The following ABLIM3 variants were observed in gnomAD, a reference collection of about 807,000 sequenced individuals.
ABLIM3 encodes the protein actin-binding LIM protein 3.
In ABLIM3, 61 loss-of-function variants were observed where a neutral mutation model predicts 109.5. The observed-to-expected ratio is 0.56, with a 90% confidence interval of 0.45 to 0.69. The LOEUF (loss-of-function observed/expected upper bound fraction) is 0.69, where lower values mean the gene tolerates loss of function less well. Among genes scored for constraint, ABLIM3 ranks in the 30% least tolerant of loss-of-function variants. ABLIM3 has a pLI of 0.00. For missense variants in ABLIM3, 796 were observed against 889.5 expected (o/e 0.89, Z 1.34); for synonymous variants, 300 against 324.8 (o/e 0.92, Z 0.82).
chr5:149,221,498 G>A (rs975921424), intron 8 of ABLIM3, among the ~76,000 whole-genome samples: 10 of 152,150 alleles, frequency 6.6e-5, no homozygotes, highest in Non-Finnish European at 1.3e-4. Flanking sequence ...CTTTCTGATG[G>A]GCTCTAATTG....
Position 149,149,360 on chromosome 5 carries a change from C to A in ABLIM3, c.13+7252C>A, listed in dbSNP as rs144571085. Among the ~76,000 whole-genome samples, 552 of 152,304 alleles carry A rather than the reference C, an allele frequency of 3.6e-3. 3 individuals carry two copies. The highest frequency in any genetic ancestry group is 6.2e-3 in the Non-Finnish European group (425 of 68,024). ...TGGGTCTCAGTGAATGGAGTTGAGT[C>A]TGAAGTTGAGTTGACTGTTGAGTAA... On this transcript the variant is annotated intron_variant, in intron 2 of 23. Transcript: ENST00000309868.
At chr5:149,255,077 C>T (rs1754312736) in intron 23 of ABLIM3, among the ~76,000 whole-genome samples, 2 of 152,238 alleles carry the variant, frequency 1.3e-5, no homozygotes, top group East Asian at 1.9e-4. Flanking sequence ...TTTATTGAAT[C>T]ATCCTCACCT....
chr5:149,166,406 G>C (rs1754830772), intron 2 of ABLIM3, among the ~76,000 whole-genome samples: 1 of 152,182 alleles, frequency 6.6e-6, no homozygotes, highest in South Asian at 2.1e-4. Context: ...TCACTACCTA[G>C]AGAAGCAGTT....
At chr5:149,227,070 CAAA>C (rs70973514) in intron 8 of ABLIM3, among the ~76,000 whole-genome samples, 6 of 96,326 alleles carry the variant, frequency 6.2e-5, no homozygotes, top group African/African-American at 1.7e-4. Flanking sequence ...AACTCCATCT[CAAA>C]AAAAAAAAAA....
intron 17 of ABLIM3, 111 bp downstream of exon 17, chr5:149,246,657 G>A: frequency 8.4e-7 from 1 of 1,185,414 alleles, no homozygotes; most frequent in Non-Finnish European, 1.2e-6. Context: ...ATAGAAAAAA[G>A]AAAAGCATAG....
intron 17 of ABLIM3, chr5:149,247,567 A>G (rs1031909313): frequency 3.9e-5 from 28 of 723,208 alleles, no homozygotes; most frequent in Non-Finnish European, 2.5e-6. Flanking sequence ...TGTGCCCACC[A>G]CCAGACCCCC....
chr5:149,259,551 C>T lies in ABLIM3; in HGVS notation c.*1147C>T, dbSNP rs1287385346. 3.3e-6 allele frequency: 5 copies of T among 1,536,320 alleles called. No individual in the cohort carries two copies. The African/African-American group carries it at 6.8e-5, about 21-fold the overall frequency. On this transcript the variant is annotated 3_prime_UTR_variant, in exon 24 of 24. Coordinates refer to ENST00000309868, the MANE Select transcript of ABLIM3 (RefSeq NM_014945.5). ...AAGTTGGCCATGTTTCACAGGGAAA[C>T]TTTTGGAAGAGTGGCTGCTTATGAG...
Position 149,250,516 on chromosome 5 carries a change from G to A in ABLIM3, c.1788+11G>A, listed in dbSNP as rs1238809777. On this transcript the variant is annotated intron_variant, in intron 20 of 23. Transcript: ENST00000309868. ...AATGGGCTGCACAGGGTAAGAAGCTGTGCTGGAGGATGGGGGAGGACGTTG... is the reference window on the plus strand; with the variant it reads ...AATGGGCTGCACAGGGTAAGAAGCTATGCTGGAGGATGGGGGAGGACGTTG... The A allele has an allele frequency of 1.9e-6, 3 of 1,614,050 alleles. No individual in the cohort carries two copies. Among genetic ancestry groups the A allele is most frequent in the African/African-American group, 1.3e-5 (1 of 74,940 alleles).
At chr5:149,183,755 A>T (rs1756686265) in intron 3 of ABLIM3, among the ~76,000 whole-genome samples, 166 bp downstream of exon 3, 1 of 152,150 alleles carries the variant, frequency 6.6e-6, no homozygotes, top group Non-Finnish European at 1.5e-5. Flanking sequence ...CCTTAGAATG[A>T]GGGCAGTGTA....
chr5:149,208,516 A>C (rs1365028537), intron 6 of ABLIM3, among the ~76,000 whole-genome samples: 2 of 152,086 alleles, frequency 1.3e-5, no homozygotes. Flanking sequence ...CTAGCAAAGA[A>C]GATTGCCAAC....
At chr5:149,146,022 C>G (rs1414500532) in intron 2 of ABLIM3, among the ~76,000 whole-genome samples, 1 of 152,124 alleles carries the variant, frequency 6.6e-6, no homozygotes, top group Non-Finnish European at 1.5e-5. Context: ...AACTTCTGGT[C>G]TCAAATGCTT....
In ABLIM3 at chr5:149,259,562, GT is replaced by G. The variant is rs1388504016; in HGVS notation, c.*1159del. 2.0e-6 allele frequency: 3 copies of G among 1,536,244 alleles called. No individual in the cohort carries two copies. The highest frequency in any genetic ancestry group is 1.7e-6 in the Non-Finnish European group (2 of 1,146,940). ...GTTTCACAGGGAAACTTTTGGAAGAGTGGCTGCTTATGAGATTCCAAAATGA... is the reference window on the plus strand; with the variant it reads ...GTTTCACAGGGAAACTTTTGGAAGAGGGCTGCTTATGAGATTCCAAAATGA... On this transcript the variant is annotated 3_prime_UTR_variant, in exon 24 of 24. Coordinates refer to ENST00000309868, the MANE Select transcript of ABLIM3 (RefSeq NM_014945.5).
At position 149,200,397 on chromosome 5, in the gene ABLIM3, C is replaced by T. The variant is rs370614667; in HGVS notation, c.417C>T (p.Ser139=). ...VCQTCSQSMA[S]SKPIKIRGPS... ...AAACGTGCTCCCAGTCCATGGCCAGCAGTAAGCCCATCAAGATTCGTGGAC... is the reference window on the plus strand; with the variant it reads ...AAACGTGCTCCCAGTCCATGGCCAGTAGTAAGCCCATCAAGATTCGTGGAC... The change falls in exon 5 of 24, where the codon AGC becomes AGT. Residue 139 remains serine (S), a synonymous_variant. Coordinates refer to ENST00000309868, the MANE Select transcript of ABLIM3 (RefSeq NM_014945.5). 1.2e-4 allele frequency: 190 copies of T among 1,614,114 alleles called. 2 individuals carry two copies. The highest frequency in any genetic ancestry group is 1.2e-5 in the Non-Finnish European group (14 of 1,180,054).
chr5:149,187,417 A>G (rs573090047), intron 3 of ABLIM3, among the ~76,000 whole-genome samples: 8 of 152,352 alleles, frequency 5.3e-5, no homozygotes, highest in South Asian at 2.1e-4. Flanking sequence ...AAACTAGAAA[A>G]CAGCAGAAGA....
intron 8 of ABLIM3, among the ~76,000 whole-genome samples, chr5:149,229,073 A>G (rs1761587567): frequency 6.6e-6 from 1 of 152,108 alleles, no homozygotes. Context: ...TGCCACAGCC[A>G]CAGTCATAAA....
chr5:149,245,900 C>T (rs753540782), intron 16 of ABLIM3, among the ~76,000 whole-genome samples: 66 of 152,282 alleles, frequency 4.3e-4, no homozygotes, highest in South Asian at 1.2e-3. Context: ...CAGTGGCTCA[C>T]GCCCGTAATC....
At position 149,258,273 on chromosome 5, in the gene ABLIM3, CTG is replaced by C; in HGVS notation, c.1939-17_1939-16del. The C allele has an allele frequency of 1.2e-6, 2 of 1,611,166 alleles. No homozygotes were observed. Among genetic ancestry groups the C allele is most frequent in the Admixed American group, 1.7e-5 (1 of 59,534 alleles). On this transcript the variant is annotated splice_polypyrimidine_tract_variant and intron_variant, in intron 23 of 23. Transcript: ENST00000309868. ...TCTTTCTCTGTCCCCCCACCCCCGCCTGCCCTGCCTCCTTCAGCGCCACCTGT... is the reference window on the plus strand; with the variant it reads ...TCTTTCTCTGTCCCCCCACCCCCGCCCCCTGCCTCCTTCAGCGCCACCTGT...
chr5:149,149,964 G>A (rs1253178941), intron 2 of ABLIM3, among the ~76,000 whole-genome samples: 2 of 152,172 alleles, frequency 1.3e-5, no homozygotes, highest in African/African-American at 4.8e-5. Context: ...TGTGGCTGTG[G>A]CCCCAGGAAG....
chr5:149,236,982 C>CCATCTT (rs1411584145), intron 10 of ABLIM3, among the ~76,000 whole-genome samples: 2 of 152,130 alleles, frequency 1.3e-5, no homozygotes, highest in Non-Finnish European at 2.9e-5. Context: ...TTTGTCTTTA[C>CCATCTT]CATCTTCATC....
Sources: gnomAD v4.1 joint callset for allele counts (sites outside exome capture counted in the v4.1 genomes callset) on GRCh38, gnomAD v4.1.1 for gene constraint, MANE v1.5 for transcripts, NCBI Gene and HGNC (gene_info 2026-07-23, HGNC 2026-07-21) for gene names.